Variants in KCND3 observed in about 807,000 individuals in gnomAD.
The protein encoded by KCND3 is potassium voltage-gated channel subfamily D member 3, also known as A-type voltage-gated potassium channel KCND3.
In KCND3, 9 loss-of-function variants were observed where a neutral mutation model predicts 51.1. That is an observed-to-expected ratio of 0.18 (90% CI 0.11 to 0.31). The LOEUF is 0.31. Ranked by LOEUF, KCND3 falls within the 10% of genes least tolerant of loss-of-function variation. KCND3 has a pLI of 1.00. For synonymous variants in KCND3, 349 were observed against 368.0 expected (o/e 0.95, Z 0.59); for missense variants, 526 against 903.8 (o/e 0.58, Z 5.36).
chr1:111,977,466 G>A (rs974564885), intron 2 of KCND3, among the ~76,000 whole-genome samples: 5 of 152,292 alleles, frequency 3.3e-5, no homozygotes, highest in Middle Eastern at 3.4e-3. Flanking sequence ...TTTCATTAAA[G>A]TGATTTTTGG....
intron 3 of KCND3, among the ~76,000 whole-genome samples, chr1:111,782,851 G>A (rs971750262): frequency 1.3e-5 from 2 of 152,030 alleles, no homozygotes; most frequent in African/African-American, 4.8e-5. Context: ...TCCCACACAG[G>A]ACAAAGAGGT....
intron 2 of KCND3, among the ~76,000 whole-genome samples, chr1:111,932,641 CTTGT>C (rs1275255588): frequency 2.0e-5 from 3 of 152,198 alleles, no homozygotes; most frequent in Admixed American, 6.5e-5. Flanking sequence ...CTTTTTGTGA[CTTGT>C]TTATTTCACC....
intron 2 of KCND3, chr1:111,853,647 T>G (rs1667923094): frequency 6.6e-6 from 1 of 152,252 alleles, no homozygotes; most frequent in African/African-American, 2.4e-5. Context: ...CTTTCCTCAT[T>G]CCTGTGTCCC....
chr1:111,852,512 T>A (rs1057077660), intron 2 of KCND3, among the ~76,000 whole-genome samples: 7 of 152,168 alleles, frequency 4.6e-5, no homozygotes, highest in African/African-American at 1.7e-4. Context: ...TAAGGGGTAA[T>A]CATTTTAATA....
rs1384939219 is a variant in KCND3 at position 111,982,394 on chromosome 1, G to C, written c.333C>G (p.Ile111Met). Residue 111 changes from isoleucine (I) to methionine (M), a missense_variant, in exon 2 of 8, where the codon ATC (isoleucine) becomes ATG (methionine). Coordinates refer to ENST00000302127, the MANE Select transcript of KCND3 (RefSeq NM_001378969.1). This position sits in a 1 kb window ranked among gnomAD's most constrained non-coding sequence, Gnocchi z 8.5. ...AGGCCAGCTCGTCGTCGTAGGCAGA[G>C]ATGCACTCGTAGCGCGGGTAGTGCA... Reference protein sequence around the residue: ...GKLHYPRYECISAYDDELAFY... With the variant: ...GKLHYPRYECMSAYDDELAFY... 7 of 1,614,096 alleles carry C rather than the reference G, an allele frequency of 4.3e-6. No individual in the cohort carries two copies. Among genetic ancestry groups the C allele is most frequent in the African/African-American group, 1.3e-5 (1 of 74,932 alleles).
chr1:111,964,083 G>A (rs967076780), intron 2 of KCND3, among the ~76,000 whole-genome samples: 5 of 152,154 alleles, frequency 3.3e-5, no homozygotes, highest in African/African-American at 7.2e-5. Context: ...ATTGTGATTC[G>A]GCAGAAGGAG....
chr1:111,775,070 C>G lies in KCND3; in HGVS notation c.*1007G>C, dbSNP rs12138774. ...CTGCAAACACGAGTGGTTCCAACCC[C>G]AAGGGAAGTACCTCTGTTCTGTGAG... is the stretch of plus-strand genomic sequence containing the variant. On this transcript the variant is annotated 3_prime_UTR_variant, in exon 8 of 8. Transcript: ENST00000302127. 0.13 allele frequency: 19,507 copies of G among 152,190 alleles called. 1,355 individuals are homozygous for G. The highest frequency in any genetic ancestry group is 0.16 in the African/African-American group (6,647 of 41,486). 9.4% of individuals were successfully genotyped at this position (152,190 alleles called of 1,614,324 possible). A position where few individuals can be genotyped will look rare whatever the true frequency, so the allele number is the denominator to read the frequency against.
chr1:111,899,968 G>C (rs1326849593), intron 2 of KCND3, among the ~76,000 whole-genome samples: 1 of 152,158 alleles, frequency 6.6e-6, no homozygotes, highest in Non-Finnish European at 1.5e-5. Flanking sequence ...GAATGATCAC[G>C]GGCACTGATC....
intron 2 of KCND3, among the ~76,000 whole-genome samples, chr1:111,829,977 G>C (rs1315380028): frequency 6.6e-6 from 1 of 152,164 alleles, no homozygotes; most frequent in Non-Finnish European, 1.5e-5. Flanking sequence ...CTGCCATTCT[G>C]TTCACTATCG....
intron 2 of KCND3, among the ~76,000 whole-genome samples, chr1:111,906,402 G>C (rs1213593771): frequency 1.3e-5 from 2 of 152,180 alleles, no homozygotes; most frequent in Non-Finnish European, 2.9e-5. Flanking sequence ...GTTCCCCACT[G>C]TCCAGACCAT....
chr1:111,800,984 A>T (rs951403842), intron 2 of KCND3, among the ~76,000 whole-genome samples: 1 of 152,244 alleles, frequency 6.6e-6, no homozygotes, highest in Non-Finnish European at 1.5e-5. Context: ...GAGGAGCAGC[A>T]CATGTGTCTG....
At chr1:111,829,146 T>C (rs758386677) in intron 2 of KCND3, among the ~76,000 whole-genome samples, 2 of 152,212 alleles carry the variant, frequency 1.3e-5, no homozygotes, top group Non-Finnish European at 2.9e-5. Context: ...AGAGTCATGG[T>C]CACGAAATTG....
chr1:111,776,399 T>C (rs1677536), intron 7 of KCND3, 121 bp from the exon 8 acceptor site: 1 of 889,640 alleles, frequency 1.1e-6, no homozygotes, highest in Non-Finnish European at 1.8e-6. Context: ...CCTCTATCTC[T>C]GCCTTTTGTA....
chr1:111,829,697 C>A (rs1666747869), intron 2 of KCND3, among the ~76,000 whole-genome samples: 1 of 152,152 alleles, frequency 6.6e-6, no homozygotes, highest in African/African-American at 2.4e-5. Flanking sequence ...GCCCTCCATT[C>A]TGAAGGTCAG....
chr1:111,863,492 C>T (rs111738061), intron 2 of KCND3, among the ~76,000 whole-genome samples: 4 of 152,204 alleles, frequency 2.6e-5, no homozygotes, highest in East Asian at 3.9e-4. Context: ...TCTTCTGGGA[C>T]GACAAGGGAG....
At chr1:111,960,018 C>T (rs369405116) in intron 2 of KCND3, among the ~76,000 whole-genome samples, 2 of 151,370 alleles carry the variant, frequency 1.3e-5, no homozygotes, top group South Asian at 4.2e-4. Flanking sequence ...ACTCTTCTCT[C>T]TCCTGCCGCC....
Position 111,982,461 on chromosome 1 carries a change from T to A in KCND3, c.266A>T (p.Glu89Val), listed in dbSNP as rs761309361. The part of the protein sequence containing the change: ...TKEYFFDRDP[E>V]VFRCVLNFYR... ...GAAGTTGAGCACGCAGCGGAACACC[T>A]CGGGGTCCCGGTCGAAGAAGTACTC... The change falls in exon 2 of 8, where the codon GAG (glutamate) becomes GTG (valine). Residue 89 changes from glutamate to valine, a missense_variant. Glu to Val is a moderately radical substitution (Grantham distance 121, BLOSUM62 -2). This residue lies in a region of KCND3 where 159 missense variants were observed against 262.8 expected (regional missense o/e 0.61). Transcript: ENST00000302127. The surrounding 1 kb of genome is among the most constrained non-coding windows in gnomAD (Gnocchi z 8.5). 6.2e-7 allele frequency: 1 copy of A among 1,612,590 alleles called. No individual in the cohort carries two copies. Among genetic ancestry groups the A allele is most frequent in the African/African-American group, 1.3e-5 (1 of 75,016 alleles).
chr1:111,779,320 C>CA (rs139131031), intron 5 of KCND3, among the ~76,000 whole-genome samples: 10 of 149,642 alleles, frequency 6.7e-5, no homozygotes, highest in South Asian at 4.2e-4. Flanking sequence ...CCCTCCCCAC[C>CA]AAAAAAAAAG....
At chr1:111,978,570 C>T (rs557205404) in intron 2 of KCND3, among the ~76,000 whole-genome samples, 8 of 152,270 alleles carry the variant, frequency 5.3e-5, no homozygotes, top group African/African-American at 1.9e-4. Flanking sequence ...GAAAAGTTTC[C>T]AAGGTCACGT....
Sources: allele counts gnomAD v4.1 joint callset (sites outside exome capture counted in the v4.1 genomes callset), GRCh38; gene constraint gnomAD v4.1.1; regional missense constraint gnomAD v4.1.1; non-coding constraint Gnocchi (gnomAD v3.1); transcripts MANE v1.5; gene names NCBI Gene and HGNC (gene_info 2026-07-23, HGNC 2026-07-21).